MAST2: variants seen among roughly 807,000 people sequenced by gnomAD.
MAST2 encodes the protein microtubule associated serine/threonine kinase 2.
In MAST2, 70 loss-of-function variants were observed where a neutral mutation model predicts 147.4. The ratio of observed to expected loss-of-function variants is 0.47; its 90% CI spans 0.39 to 0.58. The LOEUF is 0.58. Among genes scored for constraint, MAST2 ranks in the 20% least tolerant of loss-of-function variants. MAST2 has a pLI of 0.00. For synonymous variants in MAST2, 869 were observed against 896.8 expected (o/e 0.97, Z 0.55); for missense variants, 2,080 against 2,302.3 (o/e 0.90, Z 1.98).
chr1:45,884,434 C>T (rs912368289), intron 4 of MAST2, among the ~76,000 whole-genome samples: 1 of 152,092 alleles, frequency 6.6e-6, no homozygotes, highest in African/African-American at 2.4e-5. Flanking sequence ...CGCCTGTAGT[C>T]CCAGTTACTC....
intron 4 of MAST2, among the ~76,000 whole-genome samples, chr1:45,920,294 T>C (rs1310998832): frequency 5.9e-5 from 9 of 152,200 alleles, no homozygotes; most frequent in Admixed American, 5.9e-4. Context: ...TATATCTGTC[T>C]TCTCTGGTAC....
intron 5 of MAST2, among the ~76,000 whole-genome samples, chr1:45,990,257 C>A (rs889155774): frequency 3.9e-5 from 6 of 152,128 alleles, no homozygotes; most frequent in African/African-American, 1.4e-4. Context: ...GTATGAGTAT[C>A]CAATTGTAGT....
At chr1:45,978,557 ATAT>A (rs1488064986) in intron 5 of MAST2, among the ~76,000 whole-genome samples, 11 of 152,272 alleles carry the variant, frequency 7.2e-5, no homozygotes, top group African/African-American at 2.6e-4. Context: ...TCACAAAAAG[ATAT>A]TATATGACCA....
intron 18 of MAST2, 143 bp downstream of exon 18, chr1:46,029,076 GTC>G (rs372797959): frequency 2.1e-6 from 2 of 944,214 alleles, no homozygotes; most frequent in African/African-American, 3.3e-5. Context: ...GGGGATGGGT[GTC>G]TCTGTGTTTC....
intron 3 of MAST2, among the ~76,000 whole-genome samples, chr1:45,865,615 G>GTCCA (rs1457657600): frequency 2.0e-5 from 3 of 152,120 alleles, no homozygotes; most frequent in East Asian, 3.9e-4. Flanking sequence ...TGTGTTGTCT[G>GTCCA]TCCATCCATC....
In MAST2 at chr1:46,030,993, CT is replaced by C; in HGVS notation, c.2709-12del. The C allele has an allele frequency of 6.2e-7, 1 of 1,610,724 alleles. No homozygotes were observed. Among genetic ancestry groups the C allele is most frequent in the South Asian group, 1.1e-5 (1 of 90,566 alleles). ...ACCACCTGGGTCACTCACCCCAGGC[CT>C]TGTGTCTCATAGATTACGGAAGCGG... On this transcript the variant is annotated splice_polypyrimidine_tract_variant and intron_variant, in intron 22 of 28. Transcript: ENST00000361297.
intron 4 of MAST2, among the ~76,000 whole-genome samples, chr1:45,885,928 T>C (rs533362315): frequency 6.6e-6 from 1 of 152,188 alleles, no homozygotes; most frequent in African/African-American, 2.4e-5. Flanking sequence ...GAGGAGGATG[T>C]GTGTTTCTGT....
intron 5 of MAST2, among the ~76,000 whole-genome samples, chr1:45,963,579 T>C (rs904464233): frequency 2.0e-5 from 3 of 152,200 alleles, no homozygotes; most frequent in African/African-American, 7.2e-5. Flanking sequence ...GTTATTGATG[T>C]ATAAGAATGC....
At chr1:45,862,386 G>A (rs941311157) in intron 3 of MAST2, among the ~76,000 whole-genome samples, 35 of 152,198 alleles carry the variant, frequency 2.3e-4, no homozygotes, top group African/African-American at 8.4e-4. Context: ...TTACAATAAG[G>A]TACTACTGAA....
chr1:45,945,166 G>A (rs1251213006), intron 4 of MAST2, among the ~76,000 whole-genome samples: 1 of 152,020 alleles, frequency 6.6e-6, no homozygotes, highest in African/African-American at 2.4e-5. Context: ...AGCCAGGTGT[G>A]GTGGTGTGCA....
chr1:45,938,264 G>A (rs1656596971), intron 4 of MAST2, among the ~76,000 whole-genome samples: 2 of 152,174 alleles, frequency 1.3e-5, no homozygotes, highest in Non-Finnish European at 2.9e-5. Flanking sequence ...TCTTTGTGTG[G>A]ACATATGTTT....
chr1:45,872,977 G>GGCA (rs1326133856), intron 3 of MAST2, among the ~76,000 whole-genome samples: 1 of 151,980 alleles, frequency 6.6e-6, no homozygotes, highest in Non-Finnish European at 1.5e-5. Flanking sequence ...TATCATCATT[G>GGCA]GCAGAAAGTA....
At chr1:45,820,091 A>G (rs1474230652) in intron 1 of MAST2, among the ~76,000 whole-genome samples, 1 of 152,234 alleles carries the variant, frequency 6.6e-6, no homozygotes, top group East Asian at 1.9e-4. Context: ...TACTTTGGTA[A>G]AAGGACAGTC....
At chr1:45,888,561 A>G (rs530513561) in intron 4 of MAST2, among the ~76,000 whole-genome samples, 206 of 143,614 alleles carry the variant, frequency 1.4e-3, no homozygotes, top group Admixed American at 2.7e-3. Flanking sequence ...ACCGGGTATC[A>G]CTCTGTTAGC....
At chr1:45,991,621 G>C (rs1465484049) in intron 5 of MAST2, among the ~76,000 whole-genome samples, 1 of 152,052 alleles carries the variant, frequency 6.6e-6, no homozygotes, top group African/African-American at 2.4e-5. Flanking sequence ...AGGCATTTCA[G>C]TTTTTCTGTT....
intron 3 of MAST2, among the ~76,000 whole-genome samples, chr1:45,856,527 A>G (rs971229117): frequency 6.6e-6 from 1 of 152,182 alleles, no homozygotes; most frequent in African/African-American, 2.4e-5. Context: ...CATGCCTTGT[A>G]AGTTTCATGT....
At chr1:45,929,651 G>A (rs1393977460) in intron 4 of MAST2, among the ~76,000 whole-genome samples, 1 of 152,182 alleles carries the variant, frequency 6.6e-6, no homozygotes, top group African/African-American at 2.4e-5. Context: ...GATAGGATGG[G>A]CTTAGGGCTA....
intron 1 of MAST2, among the ~76,000 whole-genome samples, chr1:45,822,007 G>T (rs773668612): frequency 6.9e-6 from 1 of 145,834 alleles, no homozygotes; most frequent in Non-Finnish European, 1.5e-5. Context: ...CTGTGCCTCA[G>T]CCTCCCAAGT....
At chr1:45,879,518 C>T (rs908559156) in intron 3 of MAST2, among the ~76,000 whole-genome samples, 8 of 148,676 alleles carry the variant, frequency 5.4e-5, no homozygotes, top group East Asian at 2.0e-4. Context: ...GGTTGCCGCA[C>T]GCCGAGATTG....
Sources: gnomAD v4.1 joint callset for allele counts (sites outside exome capture counted in the v4.1 genomes callset) on GRCh38, gnomAD v4.1.1 for gene constraint, MANE v1.5 for transcripts, NCBI Gene and HGNC (gene_info 2026-07-23, HGNC 2026-07-21) for gene names.